Variants in CLCC1 observed in about 807,000 individuals in gnomAD.
CLCC1 encodes the protein chloride channel CLIC-like protein 1.
In CLCC1, 39 loss-of-function variants were observed where a neutral mutation model predicts 63.3. The ratio of observed to expected loss-of-function variants is 0.62; its 90% CI spans 0.48 to 0.81. CLCC1 has a LOEUF of 0.81. Ranked by LOEUF, CLCC1 falls within the 30% of genes least tolerant of loss-of-function variation. The pLI, the probability that CLCC1 is intolerant of heterozygous loss-of-function variation, is 0.00. For missense variants in CLCC1, 549 were observed against 669.4 expected (o/e 0.82, Z 1.98); for synonymous variants, 217 against 239.8 (o/e 0.90, Z 0.88).
chr1:108,936,701 T>A (rs1384909668), intron 11 of CLCC1, among the ~76,000 whole-genome samples: 2 of 152,222 alleles, frequency 1.3e-5, no homozygotes, highest in East Asian at 3.8e-4. Context: ...CACTCTTCCA[T>A]CCAGCTAATC....
Position 108,937,243 on chromosome 1 carries a change from G to A in CLCC1, c.1217C>T (p.Pro406Leu). 3 of 1,614,084 alleles carry A rather than the reference G, an allele frequency of 1.9e-6. No individual in the cohort carries two copies. Among genetic ancestry groups the A allele is most frequent in the Non-Finnish European group, 2.5e-6 (3 of 1,180,008 alleles). Reference sequence around the variant, plus strand: ...TTTGGCATAAGGGCCTTGCTCAGTGGGGCCCATTTGGCCCCTATAATGGAA... The same window carrying A: ...TTTGGCATAAGGGCCTTGCTCAGTGAGGCCCATTTGGCCCCTATAATGGAA... ...ADFHYRGQMG[P>L]TEQGPYAKTY... is the part of the protein sequence containing the mutation. Residue 406 changes from proline to leucine, a missense_variant, in exon 11 of 13, where the codon CCC (proline) becomes CTC (leucine). Coordinates refer to ENST00000369969, the MANE Select transcript of CLCC1 (RefSeq NM_001377458.1).
chr1:108,940,774 A>C (rs941078866), intron 8 of CLCC1, among the ~76,000 whole-genome samples: 7 of 152,222 alleles, frequency 4.6e-5, no homozygotes, highest in African/African-American at 1.7e-4. Context: ...GGAAGGCTGA[A>C]TTGGTTTAGT....
At chr1:108,952,159 C>T (rs556869528) in intron 2 of CLCC1, among the ~76,000 whole-genome samples, 18 of 131,658 alleles carry the variant, frequency 1.4e-4, no homozygotes, top group South Asian at 2.3e-4. Flanking sequence ...GGTATTTTAA[C>T]GAATCTCCCC....
At position 108,929,673 on chromosome 1, in the gene CLCC1, T is replaced by G. The variant is rs199555600; in HGVS notation, c.*2874A>C. 1 of 1,607,886 alleles carries G rather than the reference T, an allele frequency of 6.2e-7. No homozygotes were observed. Among genetic ancestry groups the G allele is most frequent in the Non-Finnish European group, 8.5e-7 (1 of 1,174,604 alleles). On this transcript the variant is annotated 3_prime_UTR_variant, in exon 13 of 13. Transcript: ENST00000369969. ...TTGGTGCTTTCTTTCCCACAGTATGTCTTTTAATCTCTCTCATAAACTTCT... is the reference window on the plus strand; with the variant it reads ...TTGGTGCTTTCTTTCCCACAGTATGGCTTTTAATCTCTCTCATAAACTTCT...
intron 1 of CLCC1, 59 bp from the exon 2 acceptor site, chr1:108,962,528 C>T (rs1309422537): frequency 2.0e-5 from 3 of 152,062 alleles, no homozygotes; most frequent in African/African-American, 7.2e-5. Context: ...TTTTCACCAC[C>T]CAGTAATAAA....
chr1:108,944,889 A>T (rs1654343127), intron 5 of CLCC1, among the ~76,000 whole-genome samples: 1 of 152,180 alleles, frequency 6.6e-6, no homozygotes, highest in African/African-American at 2.4e-5. Context: ...ATGGCCTCCC[A>T]AAGTGCTGGG....
intron 5 of CLCC1, among the ~76,000 whole-genome samples, chr1:108,947,378 A>C (rs2101672107): frequency 6.6e-6 from 1 of 152,302 alleles, no homozygotes; most frequent in South Asian, 2.1e-4. Context: ...CTGAGTAAGT[A>C]AATCCATACA....
rs145414932 is a variant in CLCC1, at chr1:108,936,074, C to A, written c.1383+1003G>T. The stretch of plus-strand genomic sequence containing the variant: ...TACTAACTATAAAAGCTGGAAGGAC[C>A]ATCTTAAGTTGTTTTTTTTTTTTTT... On this transcript the variant is annotated intron_variant, in intron 11 of 12. Coordinates refer to ENST00000369969, the MANE Select transcript of CLCC1 (RefSeq NM_001377458.1). 9.3e-4 allele frequency among the ~76,000 whole-genome samples: 137 copies of A among 147,018 alleles called. 1 individual carries two copies. In the East Asian group the frequency reaches 0.023, roughly 25 times the overall value.
intron 5 of CLCC1, among the ~76,000 whole-genome samples, chr1:108,947,340 C>T (rs1268043922): frequency 2.0e-5 from 3 of 152,164 alleles, no homozygotes; most frequent in Non-Finnish European, 4.4e-5. Flanking sequence ...CTCCTCACCT[C>T]CATTAACTGG....
In CLCC1 at chr1:108,943,538, C is replaced by T. The variant is rs1654121447; in HGVS notation, c.639G>A (p.Leu213=). The T allele has an allele frequency of 6.2e-7, 1 of 1,614,012 alleles. No individual in the cohort carries two copies. Among genetic ancestry groups the T allele is most frequent in the Admixed American group, 1.7e-5 (1 of 60,004 alleles). ...GAAAGCTGATGATTAAAACACGTCTCAACTGAGTGTACCAACGTACATATG... is the reference window on the plus strand; with the variant it reads ...GAAAGCTGATGATTAAAACACGTCTTAACTGAGTGTACCAACGTACATATG... The part of the protein sequence containing the change: ...LWTYVRWYTQ[L]RRVLIISFLF... Residue 213 remains leucine (L), a synonymous_variant, in exon 7 of 13, where the codon TTG becomes TTA. Transcript: ENST00000369969.
intron 2 of CLCC1, among the ~76,000 whole-genome samples, chr1:108,961,684 A>G (rs1222246337): frequency 6.6e-6 from 1 of 152,020 alleles, no homozygotes; most frequent in Non-Finnish European, 1.5e-5. Context: ...CCATGGAGAA[A>G]CCCTGTCTCT....
chr1:108,952,303 C>T (rs2101693673), intron 2 of CLCC1, among the ~76,000 whole-genome samples: 1 of 152,272 alleles, frequency 6.6e-6, no homozygotes, highest in Non-Finnish European at 1.5e-5. Flanking sequence ...CTCAGCCTCC[C>T]AAGTGGCTGG....
At position 108,931,365 on chromosome 1, in the gene CLCC1, GC is replaced by G; in HGVS notation, c.*1181del. The G allele has an allele frequency of 6.4e-7, 1 of 1,551,018 alleles. No individual in the cohort carries two copies. Among genetic ancestry groups the G allele is most frequent in the Non-Finnish European group, 8.7e-7 (1 of 1,147,070 alleles). ...ATAACAAAGTAACTAACTAACTGTA[GC>G]AAAAGACAAGTATGGGACAGACTGG... On this transcript the variant is annotated 3_prime_UTR_variant, in exon 13 of 13. Coordinates refer to ENST00000369969, the MANE Select transcript of CLCC1 (RefSeq NM_001377458.1).
Position 108,929,998 on chromosome 1 carries a change from T to C in CLCC1, c.*2549A>G. 6.6e-7 allele frequency: 1 copy of C among 1,505,970 alleles called. No individual in the cohort carries two copies. The highest frequency in any genetic ancestry group is 9.2e-7 in the Non-Finnish European group (1 of 1,089,448). The allele number at this position is 1,505,970 out of a possible 1,614,324, so 93.3% of individuals were successfully genotyped here. On this transcript the variant is annotated 3_prime_UTR_variant, in exon 13 of 13. Transcript: ENST00000369969. ...ACGGTAAGGAAACAATCTATTACTT[T>C]TTTCCTTAAAAGGAGAATTTATAGC...
intron 2 of CLCC1, among the ~76,000 whole-genome samples, chr1:108,961,414 C>G (rs1422177896): frequency 6.6e-6 from 1 of 152,114 alleles, no homozygotes; most frequent in Non-Finnish European, 1.5e-5. Flanking sequence ...AGTAACCATC[C>G]TAGCTAGTTT....
In CLCC1 at chr1:108,934,865, A is replaced by G. The variant is rs2101612797; in HGVS notation, c.1461T>C (p.Ser487=). 6.2e-7 allele frequency: 1 copy of G among 1,614,118 alleles called. No homozygotes were observed. Among genetic ancestry groups the G allele is most frequent in the East Asian group, 2.2e-5 (1 of 44,890 alleles). Residue 487 remains serine (S), a synonymous_variant, in exon 12 of 13, where the codon AGT becomes AGC. Coordinates refer to ENST00000369969, the MANE Select transcript of CLCC1 (RefSeq NM_001377458.1). ...GCTTGGCCGACTGGCTGCTTTCAGT[A>G]CTGCTTTCTTTCGGTGTGCCTTCCC... The part of the protein sequence containing the change: ...ILGEGTPKES[S]TESSQSAKPV...
At chr1:108,953,213 TA>T (rs1557898926) in intron 2 of CLCC1, among the ~76,000 whole-genome samples, 3 of 152,154 alleles carry the variant, frequency 2.0e-5, no homozygotes, top group African/African-American at 7.2e-5. Flanking sequence ...AGTTGTACAA[TA>T]AAAATCACTC....
rs1399584456 is a variant in CLCC1 at position 108,931,167 on chromosome 1, CAA to C, written c.*1378_*1379del. On this transcript the variant is annotated 3_prime_UTR_variant, in exon 13 of 13. Transcript: ENST00000369969. ...ACTTTTCTAAGTTCTAATATAAAAA[CAA>C]AAAACAAAACCCATGTGGTTAGGTC... 2 of 758,314 alleles carry C rather than the reference CAA, an allele frequency of 2.6e-6. No homozygotes were observed. Among genetic ancestry groups the C allele is most frequent in the Admixed American group, 3.4e-5 (1 of 29,002 alleles). 47.0% of individuals were successfully genotyped at this position (758,314 alleles called of 1,614,324 possible). A position where few individuals can be genotyped will look rare whatever the true frequency, so the allele number is the denominator to read the frequency against.
At chr1:108,939,473 AT>A (rs1557892610) in intron 10 of CLCC1, among the ~76,000 whole-genome samples, 162 bp downstream of exon 10, 1 of 151,092 alleles carries the variant, frequency 6.6e-6, no homozygotes, top group Non-Finnish European at 1.5e-5. Flanking sequence ...CGCCCGGCTA[AT>A]TTTTTGTATT....
Sources: allele counts gnomAD v4.1 joint callset (sites outside exome capture counted in the v4.1 genomes callset), GRCh38; gene constraint gnomAD v4.1.1; transcripts MANE v1.5; gene names NCBI Gene and HGNC (gene_info 2026-07-23, HGNC 2026-07-21).